The following BCL2L13 variants were observed in gnomAD, a reference collection of about 807,000 sequenced individuals.
BCL2L13 encodes BCL2 like 13, also known as bcl-2-like protein 13.
Under a neutral mutation model 25.8 loss-of-function variants are expected in BCL2L13, and 13 were observed. The observed-to-expected ratio is 0.50, with a 90% CI of 0.33 to 0.80. BCL2L13 has a LOEUF of 0.80. BCL2L13 is among the 30% of genes least tolerant of loss of function. BCL2L13 has a pLI of 0.02. For missense variants in BCL2L13, 504 were observed against 574.9 expected (o/e 0.88, Z 1.26); for synonymous variants, 244 against 230.3 (o/e 1.06, Z -0.54).
chr22:17,653,005 C>T (rs879840180), intron 1 of BCL2L13, among the ~76,000 whole-genome samples: 3 of 152,054 alleles, frequency 2.0e-5, no homozygotes, highest in South Asian at 4.1e-4. Context: ...GCGGAGCTTG[C>T]AGTGAGCCGA....
At chr22:17,722,404 T>TGTGTGTGTGTGC (rs1229910235) in intron 6 of BCL2L13, among the ~76,000 whole-genome samples, 52 of 151,652 alleles carry the variant, frequency 3.4e-4, no homozygotes, top group African/African-American at 1.2e-3. Flanking sequence ...TGTGTGTGTG[T>TGTGTGTGTGTGC]GTGTGTGTGT....
Position 17,689,668 on chromosome 22 carries a change from C to A in BCL2L13, c.386+526C>A, listed in dbSNP as rs1013612626. 3.3e-5 allele frequency among the ~76,000 whole-genome samples: 5 copies of A among 151,862 alleles called. No homozygotes were observed. In the South Asian group the frequency reaches 1.0e-3, roughly 32 times the overall value. Reference sequence around the variant, plus strand: ...GACCAGCCTGGCCAATATGGTGAAACCTCGTCTCTACTAAAAATATAAAAC... The same window carrying A: ...GACCAGCCTGGCCAATATGGTGAAAACTCGTCTCTACTAAAAATATAAAAC... On this transcript the variant is annotated intron_variant, in intron 4 of 6. Transcript: ENST00000317582.
chr22:17,636,249 A>G (rs2058104022), upstream of BCL2L13, among the ~76,000 whole-genome samples: 4 of 151,014 alleles, frequency 2.6e-5, no homozygotes, highest in South Asian at 8.5e-4. Context: ...ACTTGAGCCC[A>G]GGAGGCTGAG....
chr22:17,664,412 GCCA>G (rs540312387), intron 2 of BCL2L13, among the ~76,000 whole-genome samples: 62 of 79,696 alleles, frequency 7.8e-4, no homozygotes, highest in African/African-American at 2.2e-3. Flanking sequence ...AGCATATATA[GCCA>G]CCCCCCCCCG....
intron 2 of BCL2L13, among the ~76,000 whole-genome samples, chr22:17,658,138 A>T (rs144260504): frequency 1.0e-4 from 15 of 150,748 alleles, no homozygotes; most frequent in African/African-American, 3.2e-4. Context: ...TTTATCGTCC[A>T]ATTCACCCTT....
At chr22:17,710,472 C>T (rs1347417633) in intron 6 of BCL2L13, among the ~76,000 whole-genome samples, 1 of 151,944 alleles carries the variant, frequency 6.6e-6, no homozygotes, top group African/African-American at 2.4e-5. Context: ...CTTAGCTGCT[C>T]CGGAGGCTGA....
chr22:17,685,760 CTTTTT>C (rs1166792513), intron 3 of BCL2L13, among the ~76,000 whole-genome samples: 11 of 60,564 alleles, frequency 1.8e-4, no homozygotes, highest in Admixed American at 5.2e-4. Flanking sequence ...TTTTCTTTTT[CTTTTT>C]TTTTTTTTTT....
chr22:17,676,316 A>G (rs1360614034), intron 2 of BCL2L13, among the ~76,000 whole-genome samples: 1 of 151,140 alleles, frequency 6.6e-6, no homozygotes, highest in East Asian at 1.9e-4. Context: ...AAAAAAAAAT[A>G]GGCAGGTGTG....
chr22:17,726,562 A>T, intron 6 of BCL2L13, 115 bp from the exon 7 acceptor site: 1 of 1,218,220 alleles, frequency 8.2e-7, no homozygotes, highest in Non-Finnish European at 1.1e-6. Flanking sequence ...ATGTAGGTTT[A>T]AACAGTGTTT....
chr22:17,638,943 G>T (rs1267147135), intron 1 of BCL2L13, 57 bp downstream of exon 1: 2 of 1,203,614 alleles, frequency 1.7e-6, no homozygotes, highest in Admixed American at 8.4e-5. Context: ...GTTTTCACCT[G>T]GGTAGGAAAG....
intron 6 of BCL2L13, among the ~76,000 whole-genome samples, chr22:17,726,154 C>T (rs2061290464): frequency 6.6e-6 from 1 of 151,980 alleles, no homozygotes; most frequent in Non-Finnish European, 1.5e-5. Context: ...AGTTCCAGAC[C>T]AGCCTGGCCA....
intron 6 of BCL2L13, among the ~76,000 whole-genome samples, chr22:17,705,246 C>T (rs896432214): frequency 2.6e-4 from 40 of 151,652 alleles, no homozygotes; most frequent in African/African-American, 9.2e-4. Context: ...GCACTCCAGC[C>T]TGGGCAACAA....
chr22:17,651,921 A>ACC (rs1568929724), intron 1 of BCL2L13, among the ~76,000 whole-genome samples: 23 of 151,500 alleles, frequency 1.5e-4, no homozygotes, highest in African/African-American at 5.6e-4. Context: ...GGATTTCCTG[A>ACC]TTGCGTGATC....
Position 17,727,643 on chromosome 22 carries a change from T to G in BCL2L13, c.*109T>G, listed in dbSNP as rs725768. On this transcript the variant is annotated 3_prime_UTR_variant, in exon 7 of 7. Coordinates refer to ENST00000317582, the MANE Select transcript of BCL2L13 (RefSeq NM_015367.4). The stretch of plus-strand genomic sequence containing the variant: ...CATTTGTGGAACACTCTGGGATAAT[T>G]GGGGACTTCTGCTCAACATGGCAGT... The G allele has an allele frequency of 0.034, 49,259 of 1,452,268 alleles. 978 individuals carry two copies. Among genetic ancestry groups the G allele is most frequent in the Non-Finnish European group, 0.04 (43,328 of 1,076,696 alleles). 90.0% of individuals were successfully genotyped at this position (1,452,268 alleles called of 1,614,324 possible).
chr22:17,651,687 C>T (rs903621535), intron 1 of BCL2L13, among the ~76,000 whole-genome samples: 1 of 147,450 alleles, frequency 6.8e-6, no homozygotes, highest in Non-Finnish European at 1.5e-5. Context: ...CCAGCCTAGA[C>T]CTTTCTTAAA....
chr22:17,662,522 C>A (rs1222150133), intron 2 of BCL2L13, among the ~76,000 whole-genome samples: 1 of 151,848 alleles, frequency 6.6e-6, no homozygotes, highest in East Asian at 1.9e-4. Flanking sequence ...TAGTCTTCTT[C>A]ATTAAAATAT....
upstream of BCL2L13, among the ~76,000 whole-genome samples, chr22:17,635,401 C>T (rs368890411): frequency 5.3e-5 from 8 of 151,340 alleles, no homozygotes; most frequent in East Asian, 9.7e-4. Flanking sequence ...AATAAAAAAA[C>T]TCCAAATACC....
chr22:17,660,610 A>C (rs2146541550), intron 2 of BCL2L13, among the ~76,000 whole-genome samples: 1 of 145,264 alleles, frequency 6.9e-6, no homozygotes, highest in East Asian at 2.0e-4. Flanking sequence ...TTTTTCGTAG[A>C]GATCAGGATT....
chr22:17,632,800 C>T (rs1435705700), intron 1 of BCL2L13, among the ~76,000 whole-genome samples: 1 of 145,708 alleles, frequency 6.9e-6, no homozygotes, highest in Non-Finnish European at 1.5e-5. Context: ...TGTCACCAGG[C>T]TGGAGTGCAG....
Sources: gnomAD v4.1 joint callset for allele counts (sites outside exome capture counted in the v4.1 genomes callset) on GRCh38, gnomAD v4.1.1 for gene constraint, MANE v1.5 for transcripts, NCBI Gene and HGNC (gene_info 2026-07-23, HGNC 2026-07-21) for gene names.